Variants in ARHGAP15 observed in about 807,000 individuals in gnomAD.
ARHGAP15 encodes the protein Rho GTPase activating protein 15, also known as rho GTPase-activating protein 15.
ARHGAP15 carries 51 observed loss-of-function variants against 63.7 expected under a neutral mutation model. The observed-to-expected ratio is 0.80, with a 90% CI of 0.64 to 1.01. ARHGAP15 has a LOEUF of 1.01. Ranked by LOEUF, ARHGAP15 falls within the 50% of genes least tolerant of loss-of-function variation. The pLI is 0.00. For missense variants in ARHGAP15, 560 were observed against 564.6 expected (o/e 0.99, Z 0.08); for synonymous variants, 191 against 193.8 (o/e 0.99, Z 0.12).
At position 143,356,603 on chromosome 2, in the gene ARHGAP15, C is replaced by T. The variant is rs925982881; in HGVS notation, c.475-78998C>T. ...GGGATTTTCTTTGATAAGTTTATTT[C>T]CCAAAATAAAGCATTGGCCCCAACT... is the stretch of plus-strand genomic sequence containing the variant. On this transcript the variant is annotated intron_variant, in intron 6 of 13. Coordinates refer to ENST00000295095, the MANE Select transcript of ARHGAP15 (RefSeq NM_018460.4). 3.3e-5 allele frequency among the ~76,000 whole-genome samples: 5 copies of T among 151,962 alleles called. No individual in the cohort carries two copies. The South Asian group carries it at 6.2e-4, about 19-fold the overall frequency.
intron 4 of ARHGAP15, among the ~76,000 whole-genome samples, chr2:143,224,362 T>G (rs1032886045): frequency 2.6e-5 from 4 of 152,146 alleles, no homozygotes; most frequent in East Asian, 1.9e-4. Flanking sequence ...TCTCGATTTT[T>G]TCTGAAATTT....
intron 6 of ARHGAP15, among the ~76,000 whole-genome samples, chr2:143,294,110 T>C (rs1682528499): frequency 6.6e-6 from 1 of 152,018 alleles, no homozygotes; most frequent in African/African-American, 2.4e-5. Context: ...TCCTACTCAA[T>C]AAGCACCTTA....
intron 11 of ARHGAP15, among the ~76,000 whole-genome samples, chr2:143,623,472 T>C (rs777977534): frequency 2.4e-4 from 36 of 152,142 alleles, no homozygotes; most frequent in Admixed American, 2.0e-4. Flanking sequence ...ATAGCCTACG[T>C]AGGCCAACAG....
rs781562868 is a variant in ARHGAP15, at chr2:143,624,227, C to A, written c.1098C>A (p.Leu366=). ...TTTTCCGGGAGCTGCCTGAGCCGCTCTTCCCTTACAGTTTCTTTGAGCAGT... is the reference window on the plus strand; with the variant it reads ...TTTTCCGGGAGCTGCCTGAGCCGCTATTCCCTTACAGTTTCTTTGAGCAGT... The part of the protein sequence containing the change: ...KMFFRELPEP[L]FPYSFFEQFV... The change falls in exon 12 of 14, where the codon CTC becomes CTA. Residue 366 remains leucine (L), a synonymous_variant. Coordinates refer to ENST00000295095, the MANE Select transcript of ARHGAP15 (RefSeq NM_018460.4). 4 of 1,613,294 alleles carry A rather than the reference C, an allele frequency of 2.5e-6. No individual in the cohort carries two copies. The Admixed American group carries it at 6.7e-5, about 27-fold the overall frequency.
chr2:143,294,756 A>C (rs1682564134), intron 6 of ARHGAP15, among the ~76,000 whole-genome samples: 1 of 152,042 alleles, frequency 6.6e-6, no homozygotes, highest in Non-Finnish European at 1.5e-5. Flanking sequence ...CAAAGAAGTG[A>C]CTGGAGGATT....
At chr2:143,343,910 T>G (rs1373811798) in intron 6 of ARHGAP15, 1 of 152,090 alleles carries the variant, frequency 6.6e-6, no homozygotes, top group Non-Finnish European at 1.5e-5. Flanking sequence ...CAAAAACAAT[T>G]TTTGACTTTT....
At chr2:143,333,595 A>C (rs539044275) in intron 6 of ARHGAP15, among the ~76,000 whole-genome samples, 1 of 152,194 alleles carries the variant, frequency 6.6e-6, no homozygotes, top group East Asian at 1.9e-4. Context: ...AAGTAAATAT[A>C]CTGTAGCTCA....
chr2:143,392,866 C>CT (rs533400094), intron 6 of ARHGAP15, among the ~76,000 whole-genome samples: 4 of 151,994 alleles, frequency 2.6e-5, no homozygotes, highest in Non-Finnish European at 4.4e-5. Context: ...TAATTAGAAA[C>CT]TTTTTTTCAA....
chr2:143,671,134 A>G (rs891135210), intron 12 of ARHGAP15, among the ~76,000 whole-genome samples: 1 of 152,262 alleles, frequency 6.6e-6, no homozygotes, highest in Non-Finnish European at 1.5e-5. Flanking sequence ...ATTAGTATGA[A>G]CAAGGTTCAT....
chr2:143,269,774 A>C (rs1352543914), intron 6 of ARHGAP15, among the ~76,000 whole-genome samples: 4 of 152,142 alleles, frequency 2.6e-5, no homozygotes, highest in African/African-American at 9.7e-5. Context: ...TATTTAAAAT[A>C]AATCATTCTC....
At chr2:143,509,321 T>G (rs1160585731) in intron 9 of ARHGAP15, among the ~76,000 whole-genome samples, 1 of 147,920 alleles carries the variant, frequency 6.8e-6, no homozygotes, top group East Asian at 2.0e-4. Context: ...TTTCTTGTAC[T>G]TGCCTCTTAT....
intron 2 of ARHGAP15, among the ~76,000 whole-genome samples, chr2:143,167,075 T>C (rs1365262871): frequency 6.6e-6 from 1 of 152,132 alleles, no homozygotes; most frequent in African/African-American, 2.4e-5. Context: ...ACACGAAAAC[T>C]GAACACAGAC....
chr2:143,511,285 G>T (rs1238177640), intron 9 of ARHGAP15, among the ~76,000 whole-genome samples: 1 of 152,130 alleles, frequency 6.6e-6, no homozygotes, highest in East Asian at 1.9e-4. Flanking sequence ...TGCTTTCAAA[G>T]AAAAATTGCA....
intron 12 of ARHGAP15, chr2:143,640,709 AAATT>A (rs1354094427): frequency 2.0e-5 from 3 of 152,160 alleles, no homozygotes; most frequent in African/African-American, 7.2e-5. Flanking sequence ...CTATAAAAAT[AAATT>A]ACTGTCATGA....
chr2:143,435,159 T>C (rs1384883867), intron 6 of ARHGAP15: 11 of 637,650 alleles, frequency 1.7e-5, no homozygotes, highest in African/African-American at 2.0e-5. Context: ...TAAACTGTTT[T>C]AGAGCTCTCC....
intron 6 of ARHGAP15, among the ~76,000 whole-genome samples, chr2:143,268,108 G>A (rs1681087231): frequency 6.6e-6 from 1 of 151,080 alleles, no homozygotes; most frequent in Non-Finnish European, 1.5e-5. Context: ...ACTAGAGTCA[G>A]TGAAAAATGA....
chr2:143,269,975 T>A (rs992616496), intron 6 of ARHGAP15, among the ~76,000 whole-genome samples: 1 of 152,090 alleles, frequency 6.6e-6, no homozygotes, highest in Admixed American at 6.6e-5. Flanking sequence ...CTGTGTTACT[T>A]TTTTTTGTTT....
chr2:143,722,580 G>C (rs1685108343), intron 13 of ARHGAP15, among the ~76,000 whole-genome samples: 1 of 152,206 alleles, frequency 6.6e-6, no homozygotes, highest in Non-Finnish European at 1.5e-5. Context: ...CCTTTGCAGT[G>C]CTACTAATGT....
At position 143,768,032 on chromosome 2, in the gene ARHGAP15, T is replaced by G. The variant is rs2072978378; in HGVS notation, c.1288T>G (p.Leu430Val). The G allele has an allele frequency of 1.2e-6, 2 of 1,613,710 alleles. No homozygotes were observed. The highest frequency in any genetic ancestry group is 1.7e-6 in the Non-Finnish European group (2 of 1,179,730). The change falls in exon 14 of 14, where the codon TTG becomes GTG. Residue 430 changes from leucine to valine, a missense_variant. Physicochemically the swap from Leu to Val is conservative, Grantham distance 32 (BLOSUM62 1). Coordinates refer to ENST00000295095, the MANE Select transcript of ARHGAP15 (RefSeq NM_018460.4). Reference sequence around the variant, plus strand: ...CAAGAACCTCATGTCCACGCAAAGCTTGGGGATTGTATTTGGACCTACCCT... The same window carrying G: ...CAAGAACCTCATGTCCACGCAAAGCGTGGGGATTGTATTTGGACCTACCCT... ...ASKNLMSTQS[L>V]GIVFGPTLLR...
Sources: allele counts gnomAD v4.1 joint callset (sites outside exome capture counted in the v4.1 genomes callset), GRCh38; gene constraint gnomAD v4.1.1; transcripts MANE v1.5; gene names NCBI Gene and HGNC (gene_info 2026-07-23, HGNC 2026-07-21).